INPP5F: variants seen among roughly 807,000 people sequenced by gnomAD.
INPP5F encodes the protein inositol polyphosphate-5-phosphatase F.
Under a neutral mutation model 137.2 loss-of-function variants are expected in INPP5F, and 97 were observed. That is an observed-to-expected ratio of 0.71 (90% CI 0.60 to 0.84). The LOEUF (loss-of-function observed/expected upper bound fraction) is 0.84, where lower values mean the gene tolerates loss of function less well. Among genes scored for constraint, INPP5F ranks in the 40% least tolerant of loss-of-function variants. The probability of loss-of-function intolerance (pLI) is 0.00; values close to 1 mark genes in which losing one functional copy is unlikely to be tolerated. For synonymous variants in INPP5F, 504 were observed against 476.9 expected (o/e 1.06, Z -0.74); for missense variants, 1,271 against 1,371.9 (o/e 0.93, Z 1.16).
chr10:119,827,309 G>T lies in INPP5F; in HGVS notation c.2928G>T (p.Glu976Asp). 1 of 1,614,082 alleles carries T rather than the reference G, an allele frequency of 6.2e-7. No individual in the cohort carries two copies. Among genetic ancestry groups the T allele is most frequent in the Non-Finnish European group, 8.5e-7 (1 of 1,179,982 alleles). ...AGAACAAAGTGACCCACCTATCAGAGACCAGATCTGTGTCTCAGCAGGCTA... is the reference window on the plus strand; with the variant it reads ...AGAACAAAGTGACCCACCTATCAGATACCAGATCTGTGTCTCAGCAGGCTA... ...DAQNKVTHLSETRSVSQQASQ... is the reference protein window; with the variant it reads ...DAQNKVTHLSDTRSVSQQASQ... The change falls in exon 20 of 20, where the codon GAG becomes GAT. Residue 976 changes from glutamate (E) to aspartate (D), a missense_variant. By Grantham distance (45) the Glu-to-Asp change is conservative. This residue lies in a region of INPP5F where 490 missense variants were observed against 443.7 expected (regional missense o/e 1.10). Transcript: ENST00000650623.
rs981708811 is a variant in INPP5F, at chr10:119,726,117, G to T, written c.-146G>T. 5 of 415,308 alleles carry T rather than the reference G, an allele frequency of 1.2e-5. No individual in the cohort carries two copies. The highest frequency in any genetic ancestry group is 8.4e-5 in the East Asian group (2 of 23,842). 25.7% of individuals were successfully genotyped at this position (415,308 alleles called of 1,614,324 possible). On this transcript the variant is annotated 5_prime_UTR_variant, in exon 1 of 20. Transcript: ENST00000650623. ...CGCGTTCTCCTCCTACCGGTCGGGT[G>T]CCCCGGGGCGTTCCCTCTGCCGCTG...
chr10:119,756,203 A>AT (rs1054701213), intron 2 of INPP5F, among the ~76,000 whole-genome samples: 91 of 151,814 alleles, frequency 6.0e-4, no homozygotes, highest in African/African-American at 2.1e-3. Context: ...GCTGATTACT[A>AT]TTTTTTTTCC....
chr10:119,804,427 T>A, intron 10 of INPP5F, 130 bp downstream of exon 10: 1 of 783,304 alleles, frequency 1.3e-6, no homozygotes, highest in Non-Finnish European at 1.9e-6. Flanking sequence ...AAAAAGGGTA[T>A]CATTCATTTA....
In INPP5F at chr10:119,811,888, A is replaced by G. The variant is rs748322185; in HGVS notation, c.1819A>G (p.Met607Val). 16 of 1,614,098 alleles carry G rather than the reference A, an allele frequency of 9.9e-6. No individual in the cohort carries two copies. Among genetic ancestry groups the G allele is most frequent in the South Asian group, 2.2e-5 (2 of 91,088 alleles). The change falls in exon 15 of 20, where the codon ATG (methionine) becomes GTG (valine). Residue 607 changes from methionine to valine, a missense_variant. By Grantham distance (21) the Met-to-Val change is conservative. Transcript: ENST00000650623. The stretch of plus-strand genomic sequence containing the variant: ...AATTAGCCAGCTCTTACAAAGTTAC[A>G]TGAAGTTACTACTGCCTGATGATGA... ...ELISQLLQSY[M>V]KLLLPDDEKF... is the part of the protein sequence containing the mutation.
chr10:119,740,960 CATTT>C (rs1848356995), intron 1 of INPP5F, among the ~76,000 whole-genome samples: 1 of 152,292 alleles, frequency 6.6e-6, no homozygotes, highest in South Asian at 2.1e-4. Context: ...AAGTTACTAA[CATTT>C]ATTATGTGAC....
intron 15 of INPP5F, chr10:119,819,798 G>A (rs1379486532): frequency 1.3e-5 from 4 of 318,228 alleles, no homozygotes; most frequent in Non-Finnish European, 1.7e-5. Flanking sequence ...CTACAACGAG[G>A]TGTCTCTGAT....
At position 119,826,866 on chromosome 10, in the gene INPP5F, A is replaced by G; in HGVS notation, c.2485A>G (p.Ser829Gly). ...AAAAGTAAATCTTTGGAAATCAGAT[A>G]GTAGTCTTGAAACTATGGAAAACAC... is the stretch of plus-strand genomic sequence containing the variant. ...NLKVNLWKSD[S>G]SLETMENTGV... The change falls in exon 20 of 20, where the codon AGT becomes GGT. Residue 829 changes from serine to glycine, a missense_variant. Coordinates refer to ENST00000650623, the MANE Select transcript of INPP5F (RefSeq NM_014937.4). 1.2e-6 allele frequency: 2 copies of G among 1,614,072 alleles called. No homozygotes were observed. Among genetic ancestry groups the G allele is most frequent in the Non-Finnish European group, 1.7e-6 (2 of 1,179,946 alleles).
chr10:119,776,115 A>G (rs1226830078), intron 2 of INPP5F, among the ~76,000 whole-genome samples: 1 of 152,224 alleles, frequency 6.6e-6, no homozygotes, highest in Non-Finnish European at 1.5e-5. Flanking sequence ...TACAAGAAGC[A>G]AATGATGGAG....
chr10:119,759,124 T>C (rs969476448), intron 2 of INPP5F, among the ~76,000 whole-genome samples: 1 of 152,200 alleles, frequency 6.6e-6, no homozygotes, highest in African/African-American at 2.4e-5. Context: ...TTTTAGTTAT[T>C]GCTTCTGCTT....
At chr10:119,823,747 G>C in intron 18 of INPP5F, 68 bp from the exon 19 acceptor site, 2 of 1,198,638 alleles carry the variant, frequency 1.7e-6, no homozygotes, top group Non-Finnish European at 1.2e-6. Context: ...GCGCTAAATG[G>C]GTTAGAACTG....
intron 1 of INPP5F, among the ~76,000 whole-genome samples, chr10:119,730,543 C>T (rs1473346303): frequency 5.3e-5 from 8 of 152,188 alleles, no homozygotes; most frequent in Non-Finnish European, 1.2e-4. Flanking sequence ...ATACAATCCA[C>T]TTTGGGGGAA....
chr10:119,766,839 C>G (rs1009742654), intron 2 of INPP5F, among the ~76,000 whole-genome samples: 1 of 152,122 alleles, frequency 6.6e-6, no homozygotes, highest in Non-Finnish European at 1.5e-5. Context: ...CACAGTGGCT[C>G]ATACCTGTAA....
At chr10:119,773,970 A>G (rs1849439048) in intron 2 of INPP5F, among the ~76,000 whole-genome samples, 2 of 152,158 alleles carry the variant, frequency 1.3e-5, no homozygotes, top group South Asian at 4.1e-4. Context: ...TTTAAAATAT[A>G]TTTAAATTTC....
intron 9 of INPP5F, among the ~76,000 whole-genome samples, chr10:119,801,422 CA>C (rs1850588251): frequency 6.6e-6 from 1 of 152,180 alleles, no homozygotes; most frequent in Non-Finnish European, 1.5e-5. Context: ...CAACTGATAA[CA>C]GGAGTTACCT....
Position 119,796,846 on chromosome 10 carries a change from C to T in INPP5F, c.801C>T (p.Thr267=). The T allele has an allele frequency of 1.9e-6, 3 of 1,613,976 alleles. No individual in the cohort carries two copies. Among genetic ancestry groups the T allele is most frequent in the Non-Finnish European group, 2.5e-6 (3 of 1,179,964 alleles). Residue 267 remains threonine (T), a synonymous_variant, in exon 7 of 20, where the codon ACC becomes ACT. Coordinates refer to ENST00000650623, the MANE Select transcript of INPP5F (RefSeq NM_014937.4). ...CAGAGACCCCCCCTCAGGAGTCCAC[C>T]TGTGTAGATGATATTCACCCACGAT... ...SSPETPPQES[T]CVDDIHPRFL...
intron 1 of INPP5F, among the ~76,000 whole-genome samples, chr10:119,736,015 A>G (rs1371735495): frequency 6.6e-6 from 1 of 152,214 alleles, no homozygotes; most frequent in Admixed American, 6.5e-5. Flanking sequence ...CGGTAATCCC[A>G]GCTTCTCTGT....
In INPP5F at chr10:119,726,286, C is replaced by G. The variant is rs768504947; in HGVS notation, c.24C>G (p.Asp8Glu). The part of the protein sequence containing the change: MELFQAK[D>E]HYILQQGERA... ...GCATGGAGCTCTTCCAAGCCAAGGA[C>G]CACTACATCCTGCAGCAGGGCGAGC... Residue 8 changes from aspartate (D) to glutamate (E), a missense_variant, in exon 1 of 20, where the codon GAC (aspartate) becomes GAG (glutamate). Transcript: ENST00000650623. 2 of 1,492,408 alleles carry G rather than the reference C, an allele frequency of 1.3e-6. No homozygotes were observed. The highest frequency in any genetic ancestry group is 2.2e-5 in the Admixed American group (1 of 45,674). 92.4% of individuals were successfully genotyped at this position (1,492,408 alleles called of 1,614,324 possible).
chr10:119,763,342 C>T (rs948691152), intron 2 of INPP5F, among the ~76,000 whole-genome samples: 1 of 152,218 alleles, frequency 6.6e-6, no homozygotes, highest in African/African-American at 2.4e-5. Flanking sequence ...TTCCTATCCT[C>T]ACGGCATCTG....
intron 2 of INPP5F, among the ~76,000 whole-genome samples, chr10:119,781,234 T>C (rs1011649578): frequency 6.6e-6 from 1 of 152,234 alleles, no homozygotes; most frequent in Admixed American, 6.5e-5. Flanking sequence ...ATCACTGGAC[T>C]GATTAAAGGT....
Sources: gnomAD v4.1 joint callset for allele counts (sites outside exome capture counted in the v4.1 genomes callset) on GRCh38, gnomAD v4.1.1 for gene constraint, gnomAD v4.1.1 regional missense constraint, MANE v1.5 for transcripts, NCBI Gene and HGNC (gene_info 2026-07-23, HGNC 2026-07-21) for gene names.